KLHL1: variants seen among roughly 807,000 people sequenced by gnomAD.
KLHL1 encodes kelch like family member 1, also known as kelch-like protein 1.
A neutral mutation model predicts 77.7 loss-of-function variants in KLHL1; 47 were observed. The ratio of observed to expected loss-of-function variants is 0.60; its 90% confidence interval spans 0.48 to 0.77. The LOEUF is 0.77. Among genes scored for constraint, KLHL1 ranks in the 30% least tolerant of loss-of-function variants. The probability of loss-of-function intolerance (pLI) is 0.00; values close to 1 mark genes in which losing one functional copy is unlikely to be tolerated. For missense variants in KLHL1, 925 were observed against 910.8 expected (o/e 1.02, Z -0.20); for synonymous variants, 360 against 325.2 (o/e 1.11, Z -1.15).
At chr13:70,004,097 C>T (rs1885354906) in intron 1 of KLHL1, among the ~76,000 whole-genome samples, 1 of 151,726 alleles carries the variant, frequency 6.6e-6, no homozygotes, top group African/African-American at 2.4e-5. Context: ...TTAAGGCCAA[C>T]TAATGGCTGA....
intron 1 of KLHL1, among the ~76,000 whole-genome samples, chr13:70,101,201 T>A (rs1171199113): frequency 1.3e-5 from 2 of 152,140 alleles, no homozygotes; most frequent in Non-Finnish European, 2.9e-5. Flanking sequence ...AATAGTACCA[T>A]AGAAAGGCTA....
At chr13:69,801,949 G>A (rs1006661317) in intron 6 of KLHL1, among the ~76,000 whole-genome samples, 1 of 152,090 alleles carries the variant, frequency 6.6e-6, no homozygotes, top group African/African-American at 2.4e-5. Context: ...CGCCATGGTG[G>A]TTTGCTGCAC....
rs149900524 is a variant in KLHL1, at chr13:70,025,332, G to A, written c.498-49530C>T. ...TAATTCTCAGTGGTGATCTCATTTA[G>A]TTGACTTTGAGGTGGAATTATTTTA... On this transcript the variant is annotated intron_variant, in intron 1 of 10. Transcript: ENST00000377844. Among the ~76,000 whole-genome samples the A allele has an allele frequency of 4.1e-3, 620 of 152,072 alleles. 1 individual carries two copies. The highest frequency in any genetic ancestry group is 0.014 in the African/African-American group (574 of 41,506).
At chr13:69,718,460 G>C (rs1295517559) in intron 9 of KLHL1, among the ~76,000 whole-genome samples, 1 of 151,816 alleles carries the variant, frequency 6.6e-6, no homozygotes, top group East Asian at 1.9e-4. Flanking sequence ...TGGATATGTA[G>C]CATGAATGAG....
chr13:69,978,825 T>G (rs1198716148), intron 1 of KLHL1, among the ~76,000 whole-genome samples: 1 of 152,146 alleles, frequency 6.6e-6, no homozygotes, highest in African/African-American at 2.4e-5. Context: ...GATTTCATAA[T>G]CTAGGAAAAG....
chr13:69,917,458 T>G (rs1184402252), intron 4 of KLHL1, among the ~76,000 whole-genome samples: 4 of 152,094 alleles, frequency 2.6e-5, no homozygotes, highest in Non-Finnish European at 5.9e-5. Flanking sequence ...AAAACCCCCG[T>G]CCCAGTGAGC....
chr13:69,760,965 C>T (rs1282117804), intron 7 of KLHL1, among the ~76,000 whole-genome samples: 1 of 152,138 alleles, frequency 6.6e-6, no homozygotes, highest in Middle Eastern at 3.2e-3. Flanking sequence ...TTACCCACAA[C>T]AGAATCTCCC....
intron 5 of KLHL1, among the ~76,000 whole-genome samples, chr13:69,879,002 G>GA (rs971462721): frequency 1.3e-5 from 2 of 151,962 alleles, no homozygotes; most frequent in African/African-American, 2.4e-5. Context: ...ATCACAAGGA[G>GA]AAAAAATCAA....
At chr13:69,949,073 A>G (rs1367555569) in intron 3 of KLHL1, among the ~76,000 whole-genome samples, 1 of 151,922 alleles carries the variant, frequency 6.6e-6, no homozygotes, top group Non-Finnish European at 1.5e-5. Flanking sequence ...GCGATTTTCC[A>G]TATGACATAT....
intron 4 of KLHL1, 108 bp downstream of exon 4, chr13:69,939,932 G>GA: frequency 1.3e-6 from 1 of 780,272 alleles, no homozygotes; most frequent in African/African-American, 1.8e-5. Flanking sequence ...GCCAAGCATA[G>GA]AAAACTCATT....
At chr13:69,846,703 T>G (rs1879473359) in intron 5 of KLHL1, among the ~76,000 whole-genome samples, 1 of 151,328 alleles carries the variant, frequency 6.6e-6, no homozygotes, top group African/African-American at 2.4e-5. Flanking sequence ...CATAATTTAC[T>G]TGTTGATGGT....
At position 69,814,499 on chromosome 13, in the gene KLHL1, C is replaced by T. The variant is rs565032308; in HGVS notation, c.1415-17537G>A. ...TGGAGAAAATATTTGCAAACTATGC[C>T]TCTGACAAAAGGCTAACATCCAGAA... On this transcript the variant is annotated intron_variant, in intron 6 of 10. Coordinates refer to ENST00000377844, the MANE Select transcript of KLHL1 (RefSeq NM_020866.3). Among the ~76,000 whole-genome samples, 10 of 152,038 alleles carry T rather than the reference C, an allele frequency of 6.6e-5. No individual in the cohort carries two copies. In the South Asian group the frequency reaches 1.5e-3, roughly 22 times the overall value.
chr13:69,964,367 C>T (rs913227391), intron 2 of KLHL1, among the ~76,000 whole-genome samples: 10 of 152,060 alleles, frequency 6.6e-5, no homozygotes, highest in Non-Finnish European at 1.5e-5. Context: ...AGAAAGCTAG[C>T]TTTCATTCTT....
At chr13:69,871,974 A>T (rs2138176876) in intron 5 of KLHL1, among the ~76,000 whole-genome samples, 1 of 151,994 alleles carries the variant, frequency 6.6e-6, no homozygotes, top group Admixed American at 6.6e-5. Context: ...CTGCTTCCAC[A>T]TTTTCAGGAA....
chr13:69,879,142 CAT>C (rs1054621244), intron 5 of KLHL1, among the ~76,000 whole-genome samples: 1 of 152,040 alleles, frequency 6.6e-6, no homozygotes, highest in African/African-American at 2.4e-5. Flanking sequence ...CAACATGGCA[CAT>C]GTATACATAT....
intron 7 of KLHL1, among the ~76,000 whole-genome samples, chr13:69,764,526 C>T (rs940024217): frequency 1.4e-5 from 2 of 138,548 alleles, no homozygotes; most frequent in African/African-American, 2.6e-5. Flanking sequence ...AAATTCATAA[C>T]ATTTCTACTA....
intron 7 of KLHL1, among the ~76,000 whole-genome samples, chr13:69,765,032 G>C (rs1173870382): frequency 7.7e-6 from 1 of 130,608 alleles, no homozygotes; most frequent in Non-Finnish European, 1.5e-5. Flanking sequence ...GCTCACTGCA[G>C]CCTCCACCTC....
chr13:69,832,883 T>C (rs566479000), intron 6 of KLHL1, among the ~76,000 whole-genome samples: 80 of 152,182 alleles, frequency 5.3e-4, no homozygotes, highest in African/African-American at 1.8e-3. Flanking sequence ...ACAAATTTTG[T>C]TGGGATAATT....
chr13:70,099,989 TA>T (rs1223006556), intron 1 of KLHL1, among the ~76,000 whole-genome samples: 7 of 151,996 alleles, frequency 4.6e-5, no homozygotes, highest in African/African-American at 1.7e-4. Flanking sequence ...CCAAATTTTT[TA>T]ATTTTTCAAA....
Sources: gnomAD v4.1 joint callset for allele counts (sites outside exome capture counted in the v4.1 genomes callset) on GRCh38, gnomAD v4.1.1 for gene constraint, MANE v1.5 for transcripts, NCBI Gene and HGNC (gene_info 2026-07-23, HGNC 2026-07-21) for gene names.